The following R3HDM1 variants were observed in gnomAD, a reference collection of about 807,000 sequenced individuals.
R3HDM1 encodes R3H domain containing 1, also known as R3H domain-containing protein 1.
A neutral mutation model predicts 141.1 loss-of-function variants in R3HDM1; 46 were observed. The observed-to-expected ratio is 0.33, with a 90% CI of 0.26 to 0.42. The LOEUF (loss-of-function observed/expected upper bound fraction) is 0.42. Ranked by LOEUF, R3HDM1 falls within the 10% of genes least tolerant of loss-of-function variation. The pLI is 1.00. For synonymous variants in R3HDM1, 435 were observed against 472.9 expected (o/e 0.92, Z 1.04); for missense variants, 1,184 against 1,368.3 (o/e 0.87, Z 2.12).
chr2:135,723,800 AAAAAAG>A, intron 26 of R3HDM1, 131 bp from the exon 27 acceptor site: 2 of 564,940 alleles, frequency 3.5e-6, no homozygotes, highest in East Asian at 3.2e-5. Flanking sequence ...AAAAAAAAAA[AAAAAAG>A]ATGGCCCTAA....
At chr2:135,708,093 C>T (rs943113504) in intron 21 of R3HDM1, among the ~76,000 whole-genome samples, 2 of 152,200 alleles carry the variant, frequency 1.3e-5, no homozygotes, top group Non-Finnish European at 1.5e-5. Context: ...TCATATAAAT[C>T]TCTGCCTCTT....
At chr2:135,623,090 T>G (rs1216005393) in intron 7 of R3HDM1, 1 of 954,098 alleles carries the variant, frequency 1.0e-6, no homozygotes, top group Non-Finnish European at 1.2e-6. Context: ...ACTTATGAGT[T>G]TTTGAAGTTT....
At chr2:135,602,784 C>A in intron 2 of R3HDM1, 76 bp downstream of exon 2, 1 of 1,250,984 alleles carries the variant, frequency 8.0e-7, no homozygotes, top group South Asian at 1.9e-5. Flanking sequence ...AAGCCAGTGT[C>A]TTAAGTAACT....
intron 7 of R3HDM1, among the ~76,000 whole-genome samples, chr2:135,623,448 G>C (rs2061689619): frequency 6.6e-6 from 1 of 152,122 alleles, no homozygotes; most frequent in Admixed American, 6.5e-5. Context: ...AGATAAGAGA[G>C]TTGTTTATCT....
At chr2:135,696,938 G>A (rs2073333990) in intron 21 of R3HDM1, among the ~76,000 whole-genome samples, 1 of 152,156 alleles carries the variant, frequency 6.6e-6, no homozygotes, top group African/African-American at 2.4e-5. Context: ...AGGTAGACTT[G>A]AACTAACTGT....
intron 1 of R3HDM1, among the ~76,000 whole-genome samples, chr2:135,557,103 C>G (rs1003350934): frequency 6.6e-6 from 1 of 152,000 alleles, no homozygotes; most frequent in Non-Finnish European, 1.5e-5. Flanking sequence ...TTTTTTCTTT[C>G]TTAATCAGTG....
intron 19 of R3HDM1, chr2:135,667,594 C>T: frequency 2.1e-6 from 2 of 941,448 alleles, no homozygotes; most frequent in Non-Finnish European, 2.5e-6. Flanking sequence ...TTCTAATATA[C>T]TAAAATATAC....
rs557995064 is a variant in R3HDM1 at position 135,645,272 on chromosome 2, T to A, written c.1475-107T>A. ...GTTTTCAAATATTAGGGTTTTTTTT[T>A]AATTGTGGTTAAAGGATTTTGGACA... On this transcript the variant is annotated intron_variant, in intron 15 of 26. Transcript: ENST00000683871. 6.9e-5 allele frequency: 67 copies of A among 974,108 alleles called. 1 individual carries two copies. The highest frequency in any genetic ancestry group is 1.9e-4 in the South Asian group (10 of 52,674). 60.3% of individuals were successfully genotyped at this position (974,108 alleles called of 1,614,324 possible).
At chr2:135,632,328 TAA>T (rs11335011) in intron 9 of R3HDM1, among the ~76,000 whole-genome samples, 338 of 135,860 alleles carry the variant, frequency 2.5e-3, no homozygotes, top group Non-Finnish European at 2.8e-3. Flanking sequence ...TAGTCAAATT[TAA>T]AAAAAAAAAA....
intron 2 of R3HDM1, 80 bp from the exon 3 acceptor site, chr2:135,604,726 A>C: frequency 1.9e-6 from 2 of 1,077,888 alleles, no homozygotes; most frequent in Non-Finnish European, 2.7e-6. Context: ...TATTTCTGGA[A>C]CATAACAGAC....
At chr2:135,706,385 G>T (rs114085543) in intron 21 of R3HDM1, among the ~76,000 whole-genome samples, 3,358 of 141,626 alleles carry the variant, frequency 0.024, 148 homozygotes, top group African/African-American at 0.09. Context: ...TTTTGTTTTT[G>T]TTTTTGTTTT....
In R3HDM1 at chr2:135,531,509, G is replaced by T; in HGVS notation, c.-374G>T. 2.0e-6 allele frequency: 2 copies of T among 985,692 alleles called. No individual in the cohort carries two copies. Among genetic ancestry groups the T allele is most frequent in the South Asian group, 9.4e-5 (2 of 21,266 alleles). The allele number at this position is 985,692 out of a possible 1,614,324, so 61.1% of individuals were successfully genotyped here. On this transcript the variant is annotated 5_prime_UTR_variant, in exon 1 of 27. Coordinates refer to ENST00000683871, the MANE Select transcript of R3HDM1 (RefSeq NM_001378107.1). ...ATTCTGCCAGCCGCGGCTGCCGCTG[G>T]AGCCGGTGTCCGGGCTGGTGATGGG... is the stretch of plus-strand genomic sequence containing the variant.
chr2:135,672,749 TTG>T (rs374021734), intron 19 of R3HDM1, among the ~76,000 whole-genome samples: 1 of 150,864 alleles, frequency 6.6e-6, no homozygotes, highest in Admixed American at 6.6e-5. Flanking sequence ...GTGTGTGTGC[TTG>T]TGTGTGTGTG....
At chr2:135,652,086 G>T in intron 18 of R3HDM1, 54 bp downstream of exon 18, 8 of 1,501,576 alleles carry the variant, frequency 5.3e-6, no homozygotes, top group Non-Finnish European at 7.1e-6. Context: ...CTTAAGATCA[G>T]TTTTAACTTC....
chr2:135,661,069 A>G (rs185664930), intron 18 of R3HDM1, among the ~76,000 whole-genome samples: 60 of 152,042 alleles, frequency 3.9e-4, no homozygotes, highest in African/African-American at 1.3e-3. Flanking sequence ...AAATCTAAAT[A>G]TGATTGATGA....
chr2:135,724,241 AAGCAAGAAGCAC>A lies in R3HDM1; in HGVS notation c.3355_3366del (p.Ser1119_His1122del). 6.2e-7 allele frequency: 1 copy of A among 1,613,914 alleles called. No homozygotes were observed. Among genetic ancestry groups the A allele is most frequent in the Non-Finnish European group, 8.5e-7 (1 of 1,179,964 alleles). ...CAGTTAACAAGTTTAAGCTGAGAAC[AAGCAAGAAGCAC>A]TATGACTTTCACATTTTGGAAAGGG... is the stretch of plus-strand genomic sequence containing the variant. On this transcript the variant is annotated inframe_deletion, in exon 27 of 27. Transcript: ENST00000683871.
chr2:135,661,339 G>C lies in R3HDM1; in HGVS notation c.2098G>C (p.Val700Leu), dbSNP rs1396218941. 5 of 1,613,844 alleles carry C rather than the reference G, an allele frequency of 3.1e-6. No homozygotes were observed. The East Asian group carries it at 1.1e-4, about 36-fold the overall frequency. Residue 700 changes from valine (V) to leucine (L), a missense_variant, in exon 19 of 27, where the codon GTT becomes CTT. This residue lies in a region of R3HDM1 where 563 missense variants were observed against 562.0 expected (regional missense o/e 1.00). Coordinates refer to ENST00000683871, the MANE Select transcript of R3HDM1 (RefSeq NM_001378107.1). Reference protein sequence around the residue: ...SQPQYRPVPSVHYNSHLNQPL... With the variant: ...SQPQYRPVPSLHYNSHLNQPL... The stretch of plus-strand genomic sequence containing the variant: ...ACCTCAGTATCGCCCAGTCCCTTCT[G>C]TTCATTACAATTCACATCTAAACCA...
chr2:135,643,702 G>A (rs2064058322), intron 15 of R3HDM1, among the ~76,000 whole-genome samples: 1 of 152,070 alleles, frequency 6.6e-6, no homozygotes, highest in African/African-American at 2.4e-5. Flanking sequence ...CAAAGACATG[G>A]AATCAACCTA....
rs1484633044 is a variant in R3HDM1 at position 135,649,931 on chromosome 2, G to T, written c.1653G>T (p.Gln551His). Residue 551 changes from glutamine (Q) to histidine (H), a missense_variant, in exon 17 of 27, where the codon CAG becomes CAT. Around this residue, in one of 5 missense-constraint regions of R3HDM1, gnomAD observed 563 missense variants for 562.0 expected, o/e 1.00. Coordinates refer to ENST00000683871, the MANE Select transcript of R3HDM1 (RefSeq NM_001378107.1). The part of the protein sequence containing the change: ...QPVHPLQSSS[Q>H]PVQYSTAPYP... ...TTCATCCTCTGCAGTCCTCTTCACAGCCTGTTCAGTACTCTACAGCCCCTT... is the reference window on the plus strand; with the variant it reads ...TTCATCCTCTGCAGTCCTCTTCACATCCTGTTCAGTACTCTACAGCCCCTT... The T allele has an allele frequency of 3.1e-6, 4 of 1,291,030 alleles. No homozygotes were observed. Among genetic ancestry groups the T allele is most frequent in the Non-Finnish European group, 4.1e-6 (4 of 982,200 alleles). 80.0% of individuals were successfully genotyped at this position (1,291,030 alleles called of 1,614,324 possible).
Sources: gnomAD v4.1 joint callset for allele counts (sites outside exome capture counted in the v4.1 genomes callset) on GRCh38, gnomAD v4.1.1 for gene constraint, gnomAD v4.1.1 regional missense constraint, MANE v1.5 for transcripts, NCBI Gene and HGNC (gene_info 2026-07-23, HGNC 2026-07-21) for gene names.